CACNA1C: variants seen among roughly 807,000 people sequenced by gnomAD.
CACNA1C encodes voltage-dependent L-type calcium channel subunit alpha-1C.
A neutral mutation model predicts 229.0 loss-of-function variants in CACNA1C; 30 were observed. The ratio of observed to expected loss-of-function variants is 0.13; its 90% CI spans 0.10 to 0.18. The LOEUF (loss-of-function observed/expected upper bound fraction) is 0.18, where lower values mean the gene tolerates loss of function less well. Among genes scored for constraint, CACNA1C ranks in the 10% least tolerant of loss-of-function variants. The pLI is 1.00. For synonymous variants in CACNA1C, 1,114 were observed against 1,132.5 expected (o/e 0.98, Z 0.33); for missense variants, 1,658 against 2,845.0 (o/e 0.58, Z 9.49).
intron 9 of CACNA1C, among the ~76,000 whole-genome samples, chr12:2,546,989 T>C (rs768695751): frequency 6.6e-6 from 1 of 152,144 alleles, no homozygotes; most frequent in Non-Finnish European, 1.5e-5. Flanking sequence ...TGTGGTCCCA[T>C]GTGAGGGAGG....
intron 3 of CACNA1C, among the ~76,000 whole-genome samples, chr12:2,333,022 C>T (rs993231013): frequency 3.3e-5 from 5 of 152,150 alleles, no homozygotes; most frequent in African/African-American, 9.7e-5. Flanking sequence ...GTTATCCCTC[C>T]GGCAGTGACG....
At chr12:2,673,569 T>C (rs766182871) in intron 38 of CACNA1C, among the ~76,000 whole-genome samples, 1 of 152,130 alleles carries the variant, frequency 6.6e-6, no homozygotes, top group Non-Finnish European at 1.5e-5. Flanking sequence ...ATCCAGGATA[T>C]TGATCAGGCC....
chr12:2,451,359 A>C (rs916185398), intron 4 of CACNA1C, among the ~76,000 whole-genome samples: 1 of 152,194 alleles, frequency 6.6e-6, no homozygotes, highest in African/African-American at 2.4e-5. Context: ...TTGCACATGC[A>C]TAGAAAAGAG....
At chr12:2,265,234 T>C (rs908321743) in intron 3 of CACNA1C, among the ~76,000 whole-genome samples, 2 of 152,136 alleles carry the variant, frequency 1.3e-5, no homozygotes, top group African/African-American at 2.4e-5. Flanking sequence ...TTACCGCAAA[T>C]GTCTGGCTAT....
intron 1 of CACNA1C, among the ~76,000 whole-genome samples, chr12:2,096,710 A>G (rs377629623): frequency 6.6e-6 from 1 of 152,176 alleles, no homozygotes; most frequent in African/African-American, 2.4e-5. Context: ...TGTCATTCCA[A>G]ACCAAAACTT....
rs376830279 is a variant in CACNA1C at position 2,676,865 on chromosome 12, G to A, written c.4829-229G>A. 24 of 349,430 alleles carry A rather than the reference G, an allele frequency of 6.9e-5. 1 individual carries two copies. Among genetic ancestry groups the A allele is most frequent in the East Asian group, 6.0e-4 (13 of 21,836 alleles). 21.6% of individuals were successfully genotyped at this position (349,430 alleles called of 1,614,324 possible). On this transcript the variant is annotated intron_variant, in intron 39 of 46. Coordinates refer to ENST00000399655, the MANE Select transcript of CACNA1C (RefSeq NM_000719.7). ...TGAGAAAATACTCAAGAAACTAGAT[G>A]ATCTACAGGAGGTGGTGACTAGGCA...
chr12:2,537,976 C>A (rs1454864413), intron 9 of CACNA1C, among the ~76,000 whole-genome samples: 1 of 152,098 alleles, frequency 6.6e-6, no homozygotes. Context: ...CCTCCCGGCC[C>A]CATCCACCTC....
intron 3 of CACNA1C, among the ~76,000 whole-genome samples, chr12:2,205,850 T>G (rs1248671633): frequency 2.0e-5 from 3 of 152,154 alleles, no homozygotes; most frequent in Non-Finnish European, 4.4e-5. Context: ...TCTTCCTGGC[T>G]CGTGGACATT....
intron 29 of CACNA1C, among the ~76,000 whole-genome samples, chr12:2,625,209 A>G (rs1268841636): frequency 6.6e-6 from 1 of 152,248 alleles, no homozygotes; most frequent in African/African-American, 2.4e-5. Context: ...AGCATAAAAA[A>G]TAATTATATG....
At chr12:2,300,602 G>C (rs992364779) in intron 3 of CACNA1C, among the ~76,000 whole-genome samples, 2 of 152,194 alleles carry the variant, frequency 1.3e-5, no homozygotes, top group Non-Finnish European at 2.9e-5. Context: ...CTCCAGCCTG[G>C]TGACAGAGTG....
At chr12:2,515,683 G>A (rs2099795173) in intron 9 of CACNA1C, among the ~76,000 whole-genome samples, 1 of 152,168 alleles carries the variant, frequency 6.6e-6, no homozygotes, top group Non-Finnish European at 1.5e-5. Context: ...TGCAGTGCAG[G>A]AGCTGCTTGG....
chr12:2,331,692 A>G (rs2096553495), intron 3 of CACNA1C, among the ~76,000 whole-genome samples: 1 of 152,232 alleles, frequency 6.6e-6, no homozygotes, highest in South Asian at 2.1e-4. Context: ...ACGCCACCCA[A>G]TGTGATATCC....
intron 1 of CACNA1C, among the ~76,000 whole-genome samples, chr12:2,035,470 T>C (rs765473466): frequency 6.6e-6 from 1 of 151,982 alleles, no homozygotes; most frequent in African/African-American, 2.4e-5. Flanking sequence ...TGCAGGGAAA[T>C]AGACATTTCC....
At position 2,612,024 on chromosome 12, in the gene CACNA1C, G is replaced by A. The variant is rs745632403; in HGVS notation, c.3828+11G>A. ...GCCTTCAAACCCAAGGTAGGCCTCT[G>A]AGAAAGACCTTTGATTCCCAGGCAT... On this transcript the variant is annotated intron_variant, in intron 29 of 46. Coordinates refer to ENST00000399655, the MANE Select transcript of CACNA1C (RefSeq NM_000719.7). 17 of 1,490,088 alleles carry A rather than the reference G, an allele frequency of 1.1e-5. No individual in the cohort carries two copies. The highest frequency in any genetic ancestry group is 1.5e-5 in the Non-Finnish European group (16 of 1,067,456). The allele number at this position is 1,490,088 out of a possible 1,614,324, so 92.3% of individuals were successfully genotyped here.
intron 3 of CACNA1C, among the ~76,000 whole-genome samples, chr12:2,163,793 G>A (rs778575346): frequency 7.2e-5 from 11 of 152,140 alleles, no homozygotes; most frequent in Non-Finnish European, 1.2e-4. Flanking sequence ...ATGATGGCTC[G>A]GCGGGGTCAC....
chr12:2,463,998 C>A (rs1474746546), intron 5 of CACNA1C, among the ~76,000 whole-genome samples: 1 of 152,048 alleles, frequency 6.6e-6, no homozygotes, highest in Non-Finnish European at 1.5e-5. Flanking sequence ...GCAAGGAGTA[C>A]ATTTGCTTGT....
intron 3 of CACNA1C, among the ~76,000 whole-genome samples, chr12:2,170,928 G>A (rs1022352863): frequency 2.0e-5 from 3 of 152,232 alleles, no homozygotes; most frequent in African/African-American, 7.2e-5. Context: ...GAGGGTATGT[G>A]TTGCCCTTGG....
chr12:2,418,416 G>C (rs897727540), intron 3 of CACNA1C, among the ~76,000 whole-genome samples: 2 of 152,208 alleles, frequency 1.3e-5, no homozygotes, highest in Non-Finnish European at 1.5e-5. Context: ...TTTTAGTAGA[G>C]AGAGAGAACC....
chr12:2,656,665 G>A (rs114637408), intron 34 of CACNA1C, among the ~76,000 whole-genome samples: 1,638 of 152,262 alleles, frequency 0.011, 20 homozygotes, highest in African/African-American at 0.031. Flanking sequence ...GCACCACAAT[G>A]CATGATATAA....
Sources: allele counts gnomAD v4.1 joint callset (sites outside exome capture counted in the v4.1 genomes callset), GRCh38; gene constraint gnomAD v4.1.1; transcripts MANE v1.5; gene names NCBI Gene and HGNC (gene_info 2026-07-23, HGNC 2026-07-21).